Variants in KMT2C observed in about 807,000 individuals in gnomAD.
The protein encoded by KMT2C is lysine methyltransferase 2C.
KMT2C carries 88 observed loss-of-function variants against 507.9 expected under a neutral mutation model. The observed-to-expected ratio is 0.17, with a 90% CI of 0.15 to 0.21. The LOEUF (loss-of-function observed/expected upper bound fraction) is 0.21, where lower values mean the gene tolerates loss of function less well. Among genes scored for constraint, KMT2C ranks in the 10% least tolerant of loss-of-function variants. The pLI is 1.00. For missense variants in KMT2C, 4,954 were observed against 5,957.8 expected (o/e 0.83, Z 5.55); for synonymous variants, 2,049 against 2,080.8 (o/e 0.98, Z 0.42).
At chr7:152,370,366 T>C (rs796857514) in intron 1 of KMT2C, among the ~76,000 whole-genome samples, 6 of 152,336 alleles carry the variant, frequency 3.9e-5, no homozygotes, top group African/African-American at 1.2e-4. Flanking sequence ...ATTGAATTTA[T>C]AGTATGAAAT....
chr7:152,265,416 G>T (rs1464888086), intron 7 of KMT2C, among the ~76,000 whole-genome samples: 1 of 152,016 alleles, frequency 6.6e-6, no homozygotes, highest in Non-Finnish European at 1.5e-5. Context: ...AAATTTAATC[G>T]TATAGTTTTG....
At chr7:152,211,107 G>C (rs1376262525) in intron 23 of KMT2C, among the ~76,000 whole-genome samples, 1 of 152,172 alleles carries the variant, frequency 6.6e-6, no homozygotes, top group Non-Finnish European at 1.5e-5. Context: ...TGAAATTTTA[G>C]AACACTGAGG....
intron 3 of KMT2C, among the ~76,000 whole-genome samples, chr7:152,318,005 G>A (rs1716059452): frequency 6.6e-6 from 1 of 152,032 alleles, no homozygotes; most frequent in East Asian, 1.9e-4. Context: ...AGGCATGGTG[G>A]CAGGCGCCCG....
intron 6 of KMT2C, among the ~76,000 whole-genome samples, chr7:152,290,579 A>C (rs112286246): frequency 8.6e-5 from 13 of 151,600 alleles, no homozygotes; most frequent in African/African-American, 3.1e-4. Context: ...AAGTGCTGGG[A>C]TTACAGGCGT....
At chr7:152,367,113 GA>G in intron 1 of KMT2C, 1 of 916,606 alleles carries the variant, frequency 1.1e-6, no homozygotes, top group Non-Finnish European at 1.7e-6. Flanking sequence ...AACAGGAAGA[GA>G]AGAGTGTGGT....
intron 3 of KMT2C, among the ~76,000 whole-genome samples, chr7:152,319,700 G>A (rs763267182): frequency 7.9e-5 from 12 of 152,124 alleles, no homozygotes; most frequent in Admixed American, 3.9e-4. Context: ...CAGTGGTCAC[G>A]CTCCTAGTCC....
intron 1 of KMT2C, among the ~76,000 whole-genome samples, chr7:152,390,609 G>A: frequency 6.6e-6 from 1 of 152,188 alleles, no homozygotes; most frequent in Non-Finnish European, 1.5e-5. Context: ...ATGTTAATTA[G>A]TATGTCCCCT....
At chr7:152,165,609 T>C (rs755529339) in intron 42 of KMT2C, among the ~76,000 whole-genome samples, 3 of 152,238 alleles carry the variant, frequency 2.0e-5, no homozygotes, top group African/African-American at 4.8e-5. Context: ...GGTTTGAAGA[T>C]AAGACACGTG....
chr7:152,399,922 AAAAC>A (rs950663426), intron 1 of KMT2C, among the ~76,000 whole-genome samples: 44 of 152,262 alleles, frequency 2.9e-4, no homozygotes, highest in Admixed American at 3.9e-4. Flanking sequence ...AGACCAAAAA[AAAAC>A]AAACAAACAA....
rs372845834 is a variant in KMT2C at position 152,171,362 on chromosome 7, A to G, written c.9375-20T>C. The G allele has an allele frequency of 4.0e-6, 6 of 1,511,722 alleles. No homozygotes were observed. Among genetic ancestry groups the G allele is most frequent in the Non-Finnish European group, 5.5e-6 (6 of 1,099,158 alleles). 93.6% of individuals were successfully genotyped at this position (1,511,722 alleles called of 1,614,324 possible). The stretch of plus-strand genomic sequence containing the variant: ...GGGAACCTGTCAAAACAGGGTACAC[A>G]AGTATCAAGTGATGAGCGTTTAGAA... On this transcript the variant is annotated intron_variant, in intron 39 of 58. Transcript: ENST00000262189.
chr7:152,139,555 T>C, intron 56 of KMT2C, 120 bp downstream of exon 56: 2 of 724,788 alleles, frequency 2.8e-6, no homozygotes, highest in Admixed American at 4.6e-5. Context: ...GATATGGCTT[T>C]TGTTTAAAGC....
At chr7:152,199,184 A>G in intron 27 of KMT2C, 95 bp downstream of exon 27, 2 of 1,001,940 alleles carry the variant, frequency 2.0e-6, no homozygotes. Context: ...TAAAATGCAT[A>G]TGAGGCCAAA....
rs2129200529 is a variant in KMT2C, at chr7:152,311,890, G to C, written c.647C>G (p.Ala216Gly). Residue 216 changes from alanine (A) to glycine (G), a missense_variant, in exon 5 of 59, where the codon GCT becomes GGT. By Grantham distance (60) the Ala-to-Gly change is moderately conservative. Coordinates refer to ENST00000262189, the MANE Select transcript of KMT2C (RefSeq NM_170606.3). ...CAGTTTACCAGCTTGATCATCTGAA[G>C]CTGTCTGGGTGCTTACACTTACACA... is the stretch of plus-strand genomic sequence containing the variant. ...VSCVSVSTQT[A>G]SDDQAGKLWD... 6.2e-7 allele frequency: 1 copy of C among 1,611,320 alleles called. No homozygotes were observed. Among genetic ancestry groups the C allele is most frequent in the South Asian group, 1.1e-5 (1 of 90,840 alleles).
At chr7:152,344,049 A>G (rs1194946943) in intron 2 of KMT2C, among the ~76,000 whole-genome samples, 2 of 152,236 alleles carry the variant, frequency 1.3e-5, no homozygotes, top group Admixed American at 6.5e-5. Context: ...GTTCAAAATA[A>G]TATCTGCAAC....
intron 5 of KMT2C, among the ~76,000 whole-genome samples, chr7:152,311,379 C>T (rs892737853): frequency 1.2e-4 from 19 of 152,166 alleles, no homozygotes; most frequent in Non-Finnish European, 2.4e-4. Flanking sequence ...AGCACCATAT[C>T]ATGAGTGCTG....
chr7:152,411,560 C>G lies in KMT2C; in HGVS notation c.161+24066G>C, dbSNP rs796440985. Among the ~76,000 whole-genome samples, 3 of 152,138 alleles carry G rather than the reference C, an allele frequency of 2.0e-5. No homozygotes were observed. In the South Asian group the frequency reaches 6.2e-4, roughly 31 times the overall value. Reference sequence around the variant, plus strand: ...GGGGAAGAAGGTGGAAGAAAAGGCACGAGTAGAGAAAGTAGATCCGACGTA... The same window carrying G: ...GGGGAAGAAGGTGGAAGAAAAGGCAGGAGTAGAGAAAGTAGATCCGACGTA... On this transcript the variant is annotated intron_variant, in intron 1 of 58. Transcript: ENST00000262189.
intron 6 of KMT2C, among the ~76,000 whole-genome samples, chr7:152,306,040 T>C (rs2096613274): frequency 1.3e-5 from 2 of 152,228 alleles, no homozygotes; most frequent in Admixed American, 1.3e-4. Context: ...TCTGTATGTC[T>C]GTGTAAATAT....
chr7:152,347,559 T>C (rs2097071587), intron 2 of KMT2C, among the ~76,000 whole-genome samples: 1 of 152,240 alleles, frequency 6.6e-6, no homozygotes, highest in African/African-American at 2.4e-5. Flanking sequence ...GGTGGCCACA[T>C]AATTATTACA....
At chr7:152,225,711 A>T (rs546692678) in intron 18 of KMT2C, among the ~76,000 whole-genome samples, 3 of 152,336 alleles carry the variant, frequency 2.0e-5, no homozygotes, top group Admixed American at 2.0e-4. Context: ...TAAGGATGAG[A>T]ACAACATACC....
Sources: allele counts gnomAD v4.1 joint callset (sites outside exome capture counted in the v4.1 genomes callset), GRCh38; gene constraint gnomAD v4.1.1; transcripts MANE v1.5; gene names NCBI Gene and HGNC (gene_info 2026-07-23, HGNC 2026-07-21).